The following PCDH7 variants were observed in gnomAD, a reference collection of about 807,000 sequenced individuals.
PCDH7 encodes protocadherin 7.
PCDH7 carries 17 observed loss-of-function variants against 58.9 expected under a neutral mutation model. The observed-to-expected ratio is 0.29, with a 90% CI of 0.20 to 0.43. PCDH7 has a LOEUF of 0.43. PCDH7 is among the 20% of genes least tolerant of loss of function. The probability of loss-of-function intolerance (pLI) is 1.00; values close to 1 mark genes in which losing one functional copy is unlikely to be tolerated. For synonymous variants in PCDH7, 664 were observed against 616.4 expected, an observed-to-expected ratio of 1.08 and a Z score of -1.14; for missense variants, 1,274 against 1,441.0, an observed-to-expected ratio of 0.88 and a Z score of 1.88.
chr4:31,056,382 A>C (rs1194999405), intron 3 of PCDH7, among the ~76,000 whole-genome samples: 1 of 150,280 alleles, frequency 6.7e-6, no homozygotes, highest in East Asian at 2.0e-4. Context: ...GGAAGAAAGA[A>C]AGAAGGAAAG....
chr4:30,839,571 A>G (rs1024715852), intron 1 of PCDH7, among the ~76,000 whole-genome samples: 1 of 152,112 alleles, frequency 6.6e-6, no homozygotes, highest in Non-Finnish European at 1.5e-5. Context: ...AGAGAAATGT[A>G]ACACTTACCC....
In PCDH7 at chr4:30,721,467, G is replaced by T; in HGVS notation, c.45G>T (p.Leu15Phe). 1.3e-6 allele frequency: 2 copies of T among 1,574,810 alleles called. No individual in the cohort carries two copies. Among genetic ancestry groups the T allele is most frequent in the African/African-American group, 1.3e-5 (1 of 74,618 alleles). Residue 15 changes from leucine (L) to phenylalanine (F), a missense_variant, in exon 1 of 2, where the codon TTG becomes TTT. This residue lies in a region of PCDH7 where 212 missense variants were observed against 255.8 expected (regional missense o/e 0.83). Transcript: ENST00000361762. The surrounding 1 kb of genome is among the most constrained non-coding windows in gnomAD (Gnocchi z 6.7). ...CGGGATGGGCGCGCGGCTGGTGCTT[G>T]GGCTGCTGCCTCCTCCTGCCGCTCT... is the stretch of plus-strand genomic sequence containing the variant.
intron 1 of PCDH7, among the ~76,000 whole-genome samples, chr4:30,907,368 C>T (rs1741093509): frequency 6.6e-6 from 1 of 152,044 alleles, no homozygotes; most frequent in Non-Finnish European, 1.5e-5. Context: ...CGACAAAGGG[C>T]TAATATCCAG....
intron 1 of PCDH7, among the ~76,000 whole-genome samples, chr4:30,856,693 G>GAA (rs33918177): frequency 1.4e-5 from 2 of 139,334 alleles, no homozygotes; most frequent in Non-Finnish European, 1.6e-5. Flanking sequence ...ACTGATATCA[G>GAA]AAAAAAAAAA....
At chr4:30,801,243 G>A (rs1316531998) in intron 1 of PCDH7, among the ~76,000 whole-genome samples, 1 of 152,170 alleles carries the variant, frequency 6.6e-6, no homozygotes, top group Non-Finnish European at 1.5e-5. Flanking sequence ...TAATAAGAAA[G>A]TGGAATTGGA....
In PCDH7 at chr4:31,097,520, G is replaced by GAAGA. The variant is rs1553850546; in HGVS notation, c.*8-44932_*8-44929dup. ...AGAAAGAAAGAAAGAGAGAAAGAAAGAAGAAAGAAAGAAAGAAAGAAAGAT... is the reference window on the plus strand; with the variant it reads ...AGAAAGAAAGAAAGAGAGAAAGAAAGAAGAAAGAAAGAAAGAAAGAAAGAAAGAT... On this transcript the variant is annotated intron_variant, in intron 3 of 3. Coordinates refer to the PCDH7 transcript ENST00000509759. Among the ~76,000 whole-genome samples, 48 of 123,708 alleles carry GAAGA rather than the reference G, an allele frequency of 3.9e-4. 1 individual carries two copies. The highest frequency in any genetic ancestry group is 1.5e-3 in the East Asian group (6 of 4,132). 81.2% of individuals were successfully genotyped at this position (123,708 alleles called of 152,430 possible).
chr4:31,131,620 G>T, intron 3 of PCDH7, among the ~76,000 whole-genome samples: 1 of 96,146 alleles, frequency 1.0e-5, no homozygotes, highest in Non-Finnish European at 1.8e-5. Context: ...TTCCTCAGAG[G>T]TTGAAATTTT....
At chr4:31,038,971 T>G (rs1755629766) in intron 3 of PCDH7, among the ~76,000 whole-genome samples, 1 of 152,170 alleles carries the variant, frequency 6.6e-6, no homozygotes, top group South Asian at 2.1e-4. Flanking sequence ...TACCAGATAG[T>G]GTTTTCAAAG....
chr4:30,971,894 C>T (rs1178258489), intron 3 of PCDH7, among the ~76,000 whole-genome samples: 1 of 152,084 alleles, frequency 6.6e-6, no homozygotes, highest in Non-Finnish European at 1.5e-5. Flanking sequence ...CCCAGGAGGT[C>T]GAGGCTGCAT....
At chr4:31,014,127 G>T (rs1313981664) in intron 3 of PCDH7, among the ~76,000 whole-genome samples, 1 of 151,890 alleles carries the variant, frequency 6.6e-6, no homozygotes, top group East Asian at 1.9e-4. Context: ...GATTTACACA[G>T]AAGTTTGCAT....
At chr4:31,074,946 A>G (rs1433747769) in intron 3 of PCDH7, among the ~76,000 whole-genome samples, 2 of 151,856 alleles carry the variant, frequency 1.3e-5, no homozygotes, top group African/African-American at 4.8e-5. Flanking sequence ...TTCTCCTCCT[A>G]CTCTAGTATA....
At chr4:31,042,901 T>C (rs1329264899) in intron 3 of PCDH7, among the ~76,000 whole-genome samples, 1 of 152,068 alleles carries the variant, frequency 6.6e-6, no homozygotes, top group Non-Finnish European at 1.5e-5. Flanking sequence ...AAGTCAGAGG[T>C]TCAGGGGCTA....
chr4:30,850,548 G>T (rs1308945495), intron 1 of PCDH7, among the ~76,000 whole-genome samples: 3 of 152,036 alleles, frequency 2.0e-5, no homozygotes, highest in South Asian at 4.1e-4. Context: ...TTAGGTGGAG[G>T]GGGGAGGGGG....
chr4:31,111,798 A>G (rs934507273), intron 3 of PCDH7, among the ~76,000 whole-genome samples: 3 of 152,204 alleles, frequency 2.0e-5, no homozygotes, highest in Admixed American at 2.0e-4. Context: ...AAAGAATTAT[A>G]GTTTTTACAT....
At chr4:31,129,788 C>G (rs1718749271) in intron 3 of PCDH7, among the ~76,000 whole-genome samples, 1 of 151,906 alleles carries the variant, frequency 6.6e-6, no homozygotes, top group Non-Finnish European at 1.5e-5. Flanking sequence ...GCCACCACAC[C>G]CAGATAAATT....
At chr4:30,914,327 C>T (rs1742141651) in intron 1 of PCDH7, among the ~76,000 whole-genome samples, 1 of 152,072 alleles carries the variant, frequency 6.6e-6, no homozygotes, top group Non-Finnish European at 1.5e-5. Flanking sequence ...GTAACAAACT[C>T]TAAAATGTCT....
chr4:30,975,987 C>T (rs937922825), intron 3 of PCDH7, among the ~76,000 whole-genome samples: 1 of 152,104 alleles, frequency 6.6e-6, no homozygotes, highest in East Asian at 1.9e-4. Flanking sequence ...ATCTGCAGCC[C>T]TCATAATGTG....
At chr4:30,877,344 G>C (rs1443780149) in intron 1 of PCDH7, among the ~76,000 whole-genome samples, 2 of 152,140 alleles carry the variant, frequency 1.3e-5, no homozygotes, top group African/African-American at 4.8e-5. Flanking sequence ...AATGTGAAAA[G>C]TGTCAGGAAG....
Position 30,981,129 on chromosome 4 carries a change from A to T in PCDH7, c.*7+30914A>T, listed in dbSNP as rs182553136. ...AGTGCTGGGATTAAAGGCGTGAGGC[A>T]CTGCGCCTGGCCTATTTATTTATTT... On this transcript the variant is annotated intron_variant, in intron 3 of 3. Coordinates refer to the PCDH7 transcript ENST00000509759. Among the ~76,000 whole-genome samples the T allele has an allele frequency of 2.1e-3, 317 of 152,348 alleles. 3 individuals carry two copies. The highest frequency in any genetic ancestry group is 5.2e-3 in the South Asian group (25 of 4,832).
Sources: allele counts gnomAD v4.1 joint callset (sites outside exome capture counted in the v4.1 genomes callset), GRCh38; gene constraint gnomAD v4.1.1; regional missense constraint gnomAD v4.1.1; non-coding constraint Gnocchi (gnomAD v3.1); transcripts MANE v1.5; gene names NCBI Gene and HGNC (gene_info 2026-07-23, HGNC 2026-07-21).